The following ARMC10 variants were observed in gnomAD, a reference collection of about 807,000 sequenced individuals.
ARMC10 encodes armadillo repeat containing 10, also known as armadillo repeat-containing protein 10.
Under a neutral mutation model 30.2 loss-of-function variants are expected in ARMC10, and 23 were observed. The observed-to-expected ratio is 0.76, with a 90% CI of 0.55 to 1.08. The LOEUF is 1.08. ARMC10 is among the 50% of genes least tolerant of loss of function. The probability of loss-of-function intolerance (pLI) is 0.00; values close to 1 mark genes in which losing one functional copy is unlikely to be tolerated. For missense variants in ARMC10, 303 were observed against 413.7 expected (o/e 0.73, Z 2.32); for synonymous variants, 111 against 164.4 (o/e 0.68, Z 2.48).
In ARMC10 at chr7:103,093,732, C is replaced by G. The variant is rs141984044; in HGVS notation, c.705+1079C>G. Among the ~76,000 whole-genome samples the G allele has an allele frequency of 3.5e-3, 530 of 152,314 alleles. 3 individuals carry two copies. Among genetic ancestry groups the G allele is most frequent in the African/African-American group, 0.012 (503 of 41,570 alleles). On this transcript the variant is annotated intron_variant, in intron 5 of 6. Coordinates refer to ENST00000323716, the MANE Select transcript of ARMC10 (RefSeq NM_031905.5). ...GGAGAAATCTCTCCTCTGCCTGACT[C>G]TGCAGCTGCTTTACCCAGAACCTCA...
intron 2 of ARMC10, 92 bp downstream of exon 2, chr7:103,075,973 C>T: frequency 1.1e-6 from 1 of 946,822 alleles, no homozygotes; most frequent in Non-Finnish European, 1.5e-6. Flanking sequence ...AAAAGTTGAT[C>T]GGTACATTAA....
chr7:103,075,185 C>T lies in ARMC10; in HGVS notation c.-88C>T. The T allele has an allele frequency of 7.1e-6, 7 of 987,256 alleles. No individual in the cohort carries two copies. Among genetic ancestry groups the T allele is most frequent in the Non-Finnish European group, 8.7e-6 (7 of 800,508 alleles). 61.2% of individuals were successfully genotyped at this position (987,256 alleles called of 1,614,324 possible). A position where few individuals can be genotyped will look rare whatever the true frequency, so the allele number is the denominator to read the frequency against. On this transcript the variant is annotated 5_prime_UTR_variant, in exon 1 of 7. Coordinates refer to ENST00000323716, the MANE Select transcript of ARMC10 (RefSeq NM_031905.5). ...GGTCAGGTGGCGTTTGCTGTGGCGG[C>T]TAGGCCCGCGTGCGCTGGAGACCTC...
Position 103,097,279 on chromosome 7 carries a change from G to A in ARMC10, c.708G>A (p.Val236=), listed in dbSNP as rs375510365. ...AAGCCAGTATCATCTTCTTTCAGGT[G>A]CAAGTTTTGAAACTGCTTTTGAATT... is the stretch of plus-strand genomic sequence containing the variant. ...VLLTGNGNTK[V]QVLKLLLNLS... is the part of the protein sequence containing the mutation. The change falls in exon 6 of 7, where the codon GTG becomes GTA. Residue 236 remains valine (V), a splice_region_variant and synonymous_variant. Transcript: ENST00000323716. The A allele has an allele frequency of 6.2e-7, 1 of 1,613,466 alleles. No homozygotes were observed. Among genetic ancestry groups the A allele is most frequent in the South Asian group, 1.1e-5 (1 of 91,062 alleles).
intron 4 of ARMC10, chr7:103,089,051 T>A (rs1801090943): frequency 6.4e-6 from 1 of 156,302 alleles, no homozygotes; most frequent in Admixed American, 6.5e-5. Flanking sequence ...TTAACTTCTT[T>A]GTAATTAAAC....
Position 103,075,419 on chromosome 7 carries a change from C to G in ARMC10, c.139+8C>G, listed in dbSNP as rs1258622401. On this transcript the variant is annotated splice_region_variant and intron_variant, in intron 1 of 6. Transcript: ENST00000323716. ...GCTCTTCGAAGTCCGCAGGTGGGAC[C>G]CCGGGGTTTCCGGCAGGTGGGCGGG... 7.7e-7 allele frequency: 1 copy of G among 1,290,438 alleles called. No individual in the cohort carries two copies. The highest frequency in any genetic ancestry group is 9.8e-7 in the Non-Finnish European group (1 of 1,016,530). 79.9% of individuals were successfully genotyped at this position (1,290,438 alleles called of 1,614,324 possible).
chr7:103,098,264 T>G, intron 6 of ARMC10, 35 bp from the exon 7 acceptor site: 1 of 1,290,220 alleles, frequency 7.8e-7, no homozygotes, highest in Non-Finnish European at 9.9e-7. Context: ...CATATATTAT[T>G]AATATAAAAT....
intron 3 of ARMC10, among the ~76,000 whole-genome samples, chr7:103,085,817 G>A (rs951321325): frequency 3.9e-5 from 6 of 152,022 alleles, no homozygotes; most frequent in East Asian, 1.9e-4. Flanking sequence ...GTTTCACCAT[G>A]TTGGCCAGGC....
intron 3 of ARMC10, among the ~76,000 whole-genome samples, chr7:103,084,312 T>G (rs1241620249): frequency 6.6e-6 from 1 of 152,242 alleles, no homozygotes; most frequent in Non-Finnish European, 1.5e-5. Flanking sequence ...GAACATGTGC[T>G]TCTTCCTACT....
chr7:103,096,503 T>G (rs941700819), intron 5 of ARMC10: 2 of 152,224 alleles, frequency 1.3e-5, no homozygotes, highest in African/African-American at 4.8e-5. Flanking sequence ...TTTTACTGTT[T>G]AAGTAGAAAT....
At chr7:103,084,071 A>G in intron 3 of ARMC10, 1 of 1,466,854 alleles carries the variant, frequency 6.8e-7, no homozygotes, top group Non-Finnish European at 9.1e-7. Context: ...TCGTAAGTAT[A>G]TCTAATCAAC....
chr7:103,097,437 TA>T (rs1444454911), intron 6 of ARMC10, 89 bp downstream of exon 6: 4 of 966,562 alleles, frequency 4.1e-6, no homozygotes, highest in African/African-American at 1.6e-5. Context: ...CCTAAAATGT[TA>T]ACAGGGATTC....
intron 4 of ARMC10, among the ~76,000 whole-genome samples, chr7:103,091,912 C>T (rs1417998605): frequency 1.3e-5 from 2 of 152,300 alleles, no homozygotes; most frequent in Non-Finnish European, 2.9e-5. Context: ...CGTAATAGTA[C>T]AACACCCAAC....
intron 5 of ARMC10, chr7:103,095,924 G>A (rs1183294820): frequency 1.3e-5 from 2 of 149,586 alleles, no homozygotes; most frequent in Admixed American, 1.3e-4. Context: ...TCACACTCTG[G>A]GGACTGTTGT....
chr7:103,085,262 A>T (rs988555659), intron 3 of ARMC10, among the ~76,000 whole-genome samples: 1 of 140,482 alleles, frequency 7.1e-6, no homozygotes, highest in African/African-American at 2.7e-5. Flanking sequence ...CAATACAGTT[A>T]AAAAAAAAAA....
intron 4 of ARMC10, chr7:103,088,648 A>G (rs564136865): frequency 1.2e-4 from 23 of 196,472 alleles, no homozygotes; most frequent in Non-Finnish European, 1.3e-4. Flanking sequence ...TCTGAAATCC[A>G]TGAAAGAATT....
At chr7:103,085,727 GCCTTAA>G (rs1246615760) in intron 3 of ARMC10, among the ~76,000 whole-genome samples, 1 of 150,732 alleles carries the variant, frequency 6.6e-6, no homozygotes, top group Non-Finnish European at 1.5e-5. Flanking sequence ...CGATTCTCCT[GCCTTAA>G]CCTCCCCAGT....
intron 4 of ARMC10, chr7:103,087,047 C>A: frequency 1.6e-6 from 1 of 608,658 alleles, no homozygotes; most frequent in Non-Finnish European, 2.4e-6. Flanking sequence ...CTATAGGCAC[C>A]AACCAAATAG....
At chr7:103,087,506 C>A (rs965856122) in intron 4 of ARMC10, among the ~76,000 whole-genome samples, 1 of 152,118 alleles carries the variant, frequency 6.6e-6, no homozygotes, top group Non-Finnish European at 1.5e-5. Context: ...GCATATATAG[C>A]CAGAACCCAG....
intron 3 of ARMC10, 48 bp from the exon 4 acceptor site, chr7:103,086,582 G>A (rs767354280): frequency 1.9e-6 from 3 of 1,550,756 alleles, no homozygotes; most frequent in Non-Finnish European, 2.6e-6. Flanking sequence ...GAACGGAGAT[G>A]CATACTGAAG....
Sources: gnomAD v4.1 joint callset for allele counts (sites outside exome capture counted in the v4.1 genomes callset) on GRCh38, gnomAD v4.1.1 for gene constraint, MANE v1.5 for transcripts, NCBI Gene and HGNC (gene_info 2026-07-23, HGNC 2026-07-21) for gene names.